The following TOM1 variants were observed in gnomAD, a reference collection of about 807,000 sequenced individuals.
TOM1 encodes the protein target of myb1 membrane trafficking protein, also known as target of Myb protein 1.
A neutral mutation model predicts 61.3 loss-of-function variants in TOM1; 38 were observed. The ratio of observed to expected loss-of-function variants is 0.62; its 90% confidence interval spans 0.48 to 0.81. TOM1 has a LOEUF of 0.81. Ranked by LOEUF, TOM1 falls within the 40% of genes least tolerant of loss-of-function variation. TOM1 has a pLI of 0.00. For synonymous variants in TOM1, 270 were observed against 268.8 expected, an observed-to-expected ratio of 1.00 and a Z score of -0.04; for missense variants, 591 against 659.6, an observed-to-expected ratio of 0.90 and a Z score of 1.14.
intron 6 of TOM1, 125 bp downstream of exon 6, chr22:35,324,039 T>C (rs1928095079): frequency 8.3e-7 from 1 of 1,200,966 alleles, no homozygotes. Flanking sequence ...GCCCACAGGG[T>C]ATGTGTGGTT....
intron 10 of TOM1, among the ~76,000 whole-genome samples, 170 bp from the exon 11 acceptor site, chr22:35,334,158 G>A (rs774759700): frequency 7.2e-5 from 11 of 152,198 alleles, no homozygotes; most frequent in Middle Eastern, 3.2e-3. Context: ...AGAGGAAGCC[G>A]CTTGCCCAAG....
intron 12 of TOM1, among the ~76,000 whole-genome samples, chr22:35,342,342 G>C (rs1601715636): frequency 6.6e-6 from 1 of 152,054 alleles, no homozygotes; most frequent in Admixed American, 6.6e-5. Flanking sequence ...GGGTGAACCA[G>C]CCAGGCACAG....
At chr22:35,337,282 T>C (rs1929433080) in intron 11 of TOM1, among the ~76,000 whole-genome samples, 1 of 152,236 alleles carries the variant, frequency 6.6e-6, no homozygotes, top group Non-Finnish European at 1.5e-5. Context: ...GTTCTGGGGC[T>C]GGGCATGGCT....
chr22:35,302,657 C>T (rs183679215), intron 1 of TOM1, among the ~76,000 whole-genome samples: 37 of 152,156 alleles, frequency 2.4e-4, no homozygotes, highest in African/African-American at 7.0e-4. Flanking sequence ...GTTGAGTTCC[C>T]GGGTAATGCT....
At chr22:35,307,175 G>A (rs1173406213) in intron 1 of TOM1, among the ~76,000 whole-genome samples, 1 of 152,106 alleles carries the variant, frequency 6.6e-6, no homozygotes, top group Non-Finnish European at 1.5e-5. Flanking sequence ...CCAAACTTCT[G>A]TCTTTCATGT....
chr22:35,308,275 C>CTTTTTTTTT (rs138770), intron 1 of TOM1, among the ~76,000 whole-genome samples: 2 of 129,444 alleles, frequency 1.5e-5, no homozygotes, highest in African/African-American at 2.7e-5. Context: ...TTCCTTTTCT[C>CTTTTTTTTT]TTTTTTTTTT....
chr22:35,338,800 G>C lies in TOM1; in HGVS notation c.1224+12G>C, dbSNP rs1311049057. ...AGAGCACTGGCGCGGTAAGCAGAGG[G>C]GCCATCCTGCCACCCTGGGGCCCTC... On this transcript the variant is annotated intron_variant, in intron 12 of 14. Coordinates refer to ENST00000449058, the MANE Select transcript of TOM1 (RefSeq NM_005488.3). 1 of 1,569,516 alleles carries C rather than the reference G, an allele frequency of 6.4e-7. No homozygotes were observed. The highest frequency in any genetic ancestry group is 1.2e-5 in the South Asian group (1 of 85,318).
At chr22:35,325,467 A>G (rs1157853564) in intron 6 of TOM1, among the ~76,000 whole-genome samples, 4 of 152,220 alleles carry the variant, frequency 2.6e-5, no homozygotes, top group Non-Finnish European at 5.9e-5. Flanking sequence ...CTCTAATCCT[A>G]ATGTAACCTC....
At chr22:35,306,385 C>T (rs915566239) in intron 1 of TOM1, among the ~76,000 whole-genome samples, 1 of 152,176 alleles carries the variant, frequency 6.6e-6, no homozygotes, top group African/African-American at 2.4e-5. Flanking sequence ...TATCTTGAAG[C>T]TTCTGTTTCC....
chr22:35,343,777 ACACACAC>A (rs1218389522), intron 12 of TOM1, among the ~76,000 whole-genome samples: 2 of 117,878 alleles, frequency 1.7e-5, no homozygotes, highest in Admixed American at 9.3e-5. Context: ...ATACACACCT[ACACACAC>A]CACACACCTA....
chr22:35,345,456 TG>T, intron 12 of TOM1: 1 of 557,222 alleles, frequency 1.8e-6, no homozygotes, highest in Non-Finnish European at 3.2e-6. Flanking sequence ...GTGTCGGAAC[TG>T]GGGTTCTTCT....
intron 7 of TOM1, among the ~76,000 whole-genome samples, chr22:35,329,728 CA>C (rs1465106546): frequency 1.3e-5 from 2 of 152,066 alleles, no homozygotes; most frequent in African/African-American, 4.8e-5. Flanking sequence ...TTTGCAGACT[CA>C]GTTTTTTTTT....
intron 1 of TOM1, among the ~76,000 whole-genome samples, chr22:35,303,272 C>T (rs77155265): frequency 0.078 from 11,886 of 151,988 alleles, 531 homozygotes; most frequent in African/African-American, 0.12. Flanking sequence ...GCCCCAAGCC[C>T]GACGTTGCTC....
chr22:35,327,512 CAT>C lies in TOM1; in HGVS notation c.765+126_765+127del, dbSNP rs1360776656. The stretch of plus-strand genomic sequence containing the variant: ...CATACTCCTTGGTCACAGTTGGGGA[CAT>C]GTTACCACCAGGGACTTTGGACGCC... On this transcript the variant is annotated intron_variant, in intron 7 of 14. Transcript: ENST00000449058. The C allele has an allele frequency of 5.9e-6, 4 of 674,810 alleles. No homozygotes were observed. The East Asian group carries it at 8.3e-5, about 14-fold the overall frequency. 41.8% of individuals were successfully genotyped at this position (674,810 alleles called of 1,614,324 possible). A position where few individuals can be genotyped will look rare whatever the true frequency, so the allele number is the denominator to read the frequency against.
intron 1 of TOM1, among the ~76,000 whole-genome samples, chr22:35,301,279 T>C (rs1392942561): frequency 6.6e-6 from 1 of 150,902 alleles, no homozygotes; most frequent in East Asian, 2.0e-4. Context: ...TATAAAAATA[T>C]ACACATACAA....
intron 1 of TOM1, among the ~76,000 whole-genome samples, chr22:35,303,206 G>A (rs1178866960): frequency 2.0e-5 from 3 of 151,828 alleles, no homozygotes; most frequent in Non-Finnish European, 2.9e-5. Flanking sequence ...CCCCCACTGA[G>A]GAGCTCCAGA....
At chr22:35,301,886 A>G (rs1018707931) in intron 1 of TOM1, among the ~76,000 whole-genome samples, 4 of 152,256 alleles carry the variant, frequency 2.6e-5, no homozygotes, top group Admixed American at 6.5e-5. Context: ...TCTCATCTAT[A>G]TTTCTCTGAC....
At chr22:35,313,781 G>T (rs987743338) in intron 1 of TOM1, among the ~76,000 whole-genome samples, 2 of 152,228 alleles carry the variant, frequency 1.3e-5, no homozygotes, top group African/African-American at 4.8e-5. Context: ...ACGCACAGGT[G>T]CCCAGTGATC....
chr22:35,339,071 C>T (rs1017339537), intron 12 of TOM1, among the ~76,000 whole-genome samples: 3 of 152,328 alleles, frequency 2.0e-5, no homozygotes, highest in Middle Eastern at 3.4e-3. Flanking sequence ...TGGCTCACAC[C>T]TGTAATCCCA....
Sources: gnomAD v4.1 joint callset for allele counts (sites outside exome capture counted in the v4.1 genomes callset) on GRCh38, gnomAD v4.1.1 for gene constraint, MANE v1.5 for transcripts, NCBI Gene and HGNC (gene_info 2026-07-23, HGNC 2026-07-21) for gene names.